Variants in SMARCD3 observed in about 807,000 individuals in gnomAD.
SMARCD3 encodes SWI/SNF-related matrix-associated actin-dependent regulator of chromatin subfamily D member 3.
Under a neutral mutation model 58.0 loss-of-function variants are expected in SMARCD3, and 14 were observed. The ratio of observed to expected loss-of-function variants is 0.24; its 90% CI spans 0.16 to 0.38. The LOEUF is 0.38. SMARCD3 is among the 10% of genes least tolerant of loss of function. The probability of loss-of-function intolerance (pLI) is 1.00; values close to 1 mark genes in which losing one functional copy is unlikely to be tolerated. For synonymous variants in SMARCD3, 253 were observed against 253.8 expected (o/e 1.00, Z 0.03); for missense variants, 408 against 636.9 (o/e 0.64, Z 3.87).
intron 1 of SMARCD3, among the ~76,000 whole-genome samples, chr7:151,276,116 G>A (rs895783586): frequency 2.7e-5 from 4 of 150,808 alleles, no homozygotes; most frequent in Admixed American, 6.6e-5. Context: ...AGGAAGATGC[G>A]GTAGGGGAGG....
chr7:151,257,620 C>T (rs1298267677), intron 2 of SMARCD3, among the ~76,000 whole-genome samples: 5 of 152,240 alleles, frequency 3.3e-5, no homozygotes, highest in Admixed American at 6.5e-5. Flanking sequence ...CCACTGCACC[C>T]GGCAAAGTCA....
chr7:151,255,013 C>T (rs1023243820), intron 2 of SMARCD3, among the ~76,000 whole-genome samples: 2 of 152,182 alleles, frequency 1.3e-5, no homozygotes, highest in Non-Finnish European at 2.9e-5. Flanking sequence ...GCGGACTCGT[C>T]GCCCGGCTGT....
rs1232604664 is a variant in SMARCD3 at position 151,245,395 on chromosome 7, T to TGGTCCCTGCGGGTCCCCCAGGGCC, written c.290+41_290+64dup. 2 of 599,390 alleles carry TGGTCCCTGCGGGTCCCCCAGGGCC rather than the reference T, an allele frequency of 3.3e-6. No homozygotes were observed. Among genetic ancestry groups the TGGTCCCTGCGGGTCCCCCAGGGCC allele is most frequent in the African/African-American group, 3.8e-5 (2 of 52,140 alleles). The allele number at this position is 599,390 out of a possible 1,614,324, so 37.1% of individuals were successfully genotyped here. ...TTCCAATCCCCGCTACTCGCTTACC[T>TGGTCCCTGCGGGTCCCCCAGGGCC]GGTCCCTGCGGGTCCCCCAGGGCCC... On this transcript the variant is annotated intron_variant, in intron 2 of 12. Transcript: ENST00000262188. This position sits in a 1 kb window ranked among gnomAD's most constrained non-coding sequence, Gnocchi z 6.2.
chr7:151,259,610 T>TTTTTG (rs1554490144), intron 2 of SMARCD3, among the ~76,000 whole-genome samples: 2 of 118,106 alleles, frequency 1.7e-5, no homozygotes, highest in African/African-American at 8.0e-5. Flanking sequence ...AGTTTTTTTT[T>TTTTTG]TTTTTTTTTT....
In SMARCD3 at chr7:151,242,021, G is replaced by T; in HGVS notation, c.676-43C>A. 6.4e-7 allele frequency: 1 copy of T among 1,568,302 alleles called. No individual in the cohort carries two copies. Among genetic ancestry groups the T allele is most frequent in the Non-Finnish European group, 8.8e-7 (1 of 1,140,218 alleles). On this transcript the variant is annotated intron_variant, in intron 6 of 12. Transcript: ENST00000262188. The surrounding 1 kb of genome is among the most constrained non-coding windows in gnomAD (Gnocchi z 4.7). The stretch of plus-strand genomic sequence containing the variant: ...GCTGTGTCTCCCAAAGGCCCATCTG[G>T]AGTGGTGGGGCCCAGGACTCTAGGG...
At position 151,239,090 on chromosome 7, in the gene SMARCD3, T is replaced by G. The variant is rs1802811601; in HGVS notation, c.*13A>C. On this transcript the variant is annotated 3_prime_UTR_variant, in exon 13 of 13. Transcript: ENST00000262188. This position sits in a 1 kb window ranked among gnomAD's most constrained non-coding sequence, Gnocchi z 7.0. ...CGGCTGAAAGTTCCGTCGTGCTGCT[T>G]ATTTTTGGGCTCCTAGGTGTTGCGC... The G allele has an allele frequency of 1.2e-5, 20 of 1,613,918 alleles. No individual in the cohort carries two copies. The highest frequency in any genetic ancestry group is 1.6e-5 in the Non-Finnish European group (19 of 1,179,810).
rs1803186742 is a variant in SMARCD3 at position 151,245,040 on chromosome 7, C to T, written c.290+420G>A. On this transcript the variant is annotated intron_variant, in intron 2 of 12. Coordinates refer to ENST00000262188, the MANE Select transcript of SMARCD3 (RefSeq NM_001003801.2). This position sits in a 1 kb window ranked among gnomAD's most constrained non-coding sequence, Gnocchi z 6.2. ...GAGAAAATCTGGAGTGGCTTTGAAA[C>T]AGCCCGGGGGCCGGCAGGAAGGCTC... Among the ~76,000 whole-genome samples, 1 of 152,216 alleles carries T rather than the reference C, an allele frequency of 6.6e-6. No homozygotes were observed. The highest frequency in any genetic ancestry group is 1.5e-5 in the Non-Finnish European group (1 of 68,032).
chr7:151,275,982 G>T (rs1273097363), intron 1 of SMARCD3, among the ~76,000 whole-genome samples: 5 of 152,048 alleles, frequency 3.3e-5, no homozygotes, highest in African/African-American at 1.2e-4. Context: ...TGCTGCCCAT[G>T]GATCAATCCT....
chr7:151,274,175 A>G (rs1795264433), intron 2 of SMARCD3, among the ~76,000 whole-genome samples: 2 of 152,214 alleles, frequency 1.3e-5, no homozygotes, highest in African/African-American at 4.8e-5. Context: ...CCCTGAGGAC[A>G]GGGACTGGGC....
chr7:151,243,552 A>G lies in SMARCD3; in HGVS notation c.333+107T>C. On this transcript the variant is annotated intron_variant, in intron 3 of 12. Transcript: ENST00000262188. This position sits in a 1 kb window ranked among gnomAD's most constrained non-coding sequence, Gnocchi z 4.4. ...CTTATTAATGAGCTTTTTTAAACAA[A>G]AAGTGAAAGTGACTGTGATGCTGAA... The G allele has an allele frequency of 1.4e-6, 1 of 737,432 alleles. No homozygotes were observed. The highest frequency in any genetic ancestry group is 2.4e-6 in the Non-Finnish European group (1 of 411,776). The allele number at this position is 737,432 out of a possible 1,614,324, so 45.7% of individuals were successfully genotyped here.
intron 8 of SMARCD3, chr7:151,240,966 A>G (rs530216970): frequency 3.9e-5 from 9 of 232,246 alleles, no homozygotes; most frequent in African/African-American, 1.8e-4. Context: ...ATCAACTGCT[A>G]TTTTTACTCC....
In SMARCD3 at chr7:151,246,761, G is replaced by C. The variant is rs1161057511; in HGVS notation, c.79-1090C>G. 6.6e-6 allele frequency among the ~76,000 whole-genome samples: 1 copy of C among 152,140 alleles called. No individual in the cohort carries two copies. Among genetic ancestry groups the C allele is most frequent in the East Asian group, 1.9e-4 (1 of 5,192 alleles). On this transcript the variant is annotated intron_variant, in intron 1 of 12. Transcript: ENST00000262188. The surrounding 1 kb of genome is among the most constrained non-coding windows in gnomAD (Gnocchi z 4.4). ...GAGCGAAGTGTTCCAAACCCCACTT[G>C]TCCAGACTCCAGAAGGGAGATGGGG...
intron 2 of SMARCD3, chr7:151,254,198 T>G (rs964992289): frequency 1.1e-4 from 17 of 152,294 alleles, no homozygotes; most frequent in African/African-American, 3.9e-4. Flanking sequence ...ATCCCCTGGC[T>G]CTGCTAAGGC....
intron 1 of SMARCD3, chr7:151,275,281 A>C: frequency 2.5e-6 from 2 of 803,080 alleles, no homozygotes; most frequent in Non-Finnish European, 4.2e-6. Context: ...CCTGAGCCCC[A>C]GCGTAGATTC....
chr7:151,255,684 G>A (rs61591132), intron 2 of SMARCD3, among the ~76,000 whole-genome samples: 18,360 of 151,798 alleles, frequency 0.12, 1,221 homozygotes, highest in African/African-American at 0.18. Context: ...GCTGACCACC[G>A]TCTCCTCTTT....
Position 151,275,146 on chromosome 7 carries a change from G to A in SMARCD3, c.7C>T (p.Pro3Ser), listed in dbSNP as rs1411643645. 3.1e-6 allele frequency: 5 copies of A among 1,612,186 alleles called. No individual in the cohort carries two copies. In the African/African-American group the frequency reaches 6.7e-5, roughly 22 times the overall value. ...ACGGTGGGTGGGTGCTGAAGACCTG[G>A]AGTCATAGATGGCAGGGTCCTGCAC... Residue 3 changes from proline to serine, a missense_variant, in exon 2 of 14, where the codon CCA becomes TCA. Pro to Ser is a moderately conservative substitution (Grantham distance 74). Coordinates refer to the SMARCD3 transcript ENST00000356800.
At chr7:151,276,401 G>A (rs1429248718) in intron 1 of SMARCD3, among the ~76,000 whole-genome samples, 1 of 144,610 alleles carries the variant, frequency 6.9e-6, no homozygotes, top group Non-Finnish European at 1.5e-5. Flanking sequence ...GGAGGTGACA[G>A]GCAATGGGAG....
At chr7:151,262,126 C>T (rs1247009454) in intron 2 of SMARCD3, among the ~76,000 whole-genome samples, 2 of 151,602 alleles carry the variant, frequency 1.3e-5, no homozygotes, top group African/African-American at 2.4e-5. Context: ...TTTGCTCTGT[C>T]GTCTAGACTG....
At chr7:151,253,647 C>G (rs895388836), upstream of SMARCD3, among the ~76,000 whole-genome samples, 4 of 152,136 alleles carry the variant, frequency 2.6e-5, no homozygotes, top group African/African-American at 9.7e-5. Flanking sequence ...TTTGGATTCA[C>G]AGCAGGTTTT....
Sources: allele counts gnomAD v4.1 joint callset (sites outside exome capture counted in the v4.1 genomes callset), GRCh38; gene constraint gnomAD v4.1.1; non-coding constraint Gnocchi (gnomAD v3.1); transcripts MANE v1.5; gene names NCBI Gene and HGNC (gene_info 2026-07-23, HGNC 2026-07-21).